Variants in KRT7 observed in about 807,000 individuals in gnomAD.
KRT7 encodes the protein keratin 7, also known as keratin, type II cytoskeletal 7.
In KRT7, 50 loss-of-function variants were observed where a neutral mutation model predicts 42.8. The observed-to-expected ratio is 1.17, with a 90% CI of 0.93 to 1.48. The LOEUF is 1.48. Among genes scored for constraint, KRT7 ranks in the 40% most tolerant of loss-of-function variants. KRT7 has a pLI of 0.00. For missense variants in KRT7, 588 were observed against 637.6 expected (o/e 0.92, Z 0.84); for synonymous variants, 268 against 266.3 (o/e 1.01, Z -0.06).
At chr12:52,236,202 C>CT (rs1942010062) in intron 2 of KRT7, among the ~76,000 whole-genome samples, 2 of 150,726 alleles carry the variant, frequency 1.3e-5, no homozygotes, top group Admixed American at 6.6e-5. Flanking sequence ...GGAGTGCCCC[C>CT]CCCCAACACT....
Position 52,248,584 on chromosome 12 carries a change from C to G in KRT7, c.1241-7C>G. ...GCTGAAGAGAGCCCTCCTCTTTTCT[C>G]TCCCAGCTGTGATGAATTCCACTGG... On this transcript the variant is annotated splice_polypyrimidine_tract_variant and splice_region_variant and intron_variant, in intron 8 of 8. Coordinates refer to ENST00000331817, the MANE Select transcript of KRT7 (RefSeq NM_005556.4). The G allele has an allele frequency of 6.4e-7, 1 of 1,571,054 alleles. No individual in the cohort carries two copies. Among genetic ancestry groups the G allele is most frequent in the Non-Finnish European group, 8.6e-7 (1 of 1,157,590 alleles).
At position 52,241,629 on chromosome 12, in the gene KRT7, A is replaced by C; in HGVS notation, c.851A>C (p.Gln284Pro). The C allele has an allele frequency of 6.2e-7, 1 of 1,609,062 alleles. No homozygotes were observed. Among genetic ancestry groups the C allele is most frequent in the Non-Finnish European group, 8.5e-7 (1 of 1,177,124 alleles). Residue 284 changes from glutamine (Q) to proline (P), a missense_variant, in exon 5 of 9, where the codon CAG becomes CCG. Coordinates refer to ENST00000331817, the MANE Select transcript of KRT7 (RefSeq NM_005556.4). ...CGGGCTGAGGCTGAAGCCTGGTACCAGACCAAGGTGTGAGGCCACCAGGGG... is the reference window on the plus strand; with the variant it reads ...CGGGCTGAGGCTGAAGCCTGGTACCCGACCAAGGTGTGAGGCCACCAGGGG... ...CSRAEAEAWY[Q>P]TKFETLQAQA...
chr12:52,249,406 T>TTTG, downstream of KRT7: 1 of 152,572 alleles, frequency 6.6e-6, no homozygotes, highest in South Asian at 2.1e-4. Context: ...GGAGAGGTCC[T>TTTG]CTGCATCTTG....
chr12:52,250,264 G>A (rs1942243228), downstream of KRT7, among the ~76,000 whole-genome samples: 1 of 152,210 alleles, frequency 6.6e-6, no homozygotes, highest in Admixed American at 6.5e-5. Flanking sequence ...GGAGAGCTGC[G>A]GGCTAGGAGC....
At chr12:52,234,380 A>G (rs994037391) in intron 1 of KRT7, among the ~76,000 whole-genome samples, 38 of 152,218 alleles carry the variant, frequency 2.5e-4, no homozygotes, top group Middle Eastern at 3.2e-3. Context: ...TGCCAAAGCC[A>G]GGAACTCAGG....
chr12:52,253,256 A>G (rs760814201), downstream of KRT7: 29 of 1,611,140 alleles, frequency 1.8e-5, no homozygotes, highest in Admixed American at 4.2e-4. Flanking sequence ...CCTCTGGATC[A>G]TGCGGTTCAG....
chr12:52,247,288 A>G (rs1330671530), intron 7 of KRT7: 3 of 152,210 alleles, frequency 2.0e-5, no homozygotes, highest in African/African-American at 7.2e-5. Flanking sequence ...CCTGACTGCA[A>G]CCTGGCTCCC....
intron 7 of KRT7, among the ~76,000 whole-genome samples, chr12:52,246,901 A>G (rs1248216501): frequency 6.6e-6 from 1 of 152,102 alleles, no homozygotes; most frequent in East Asian, 1.9e-4. Context: ...CCATGGGAAG[A>G]AAAGGGGACT....
chr12:52,251,617 A>C (rs1457316170), downstream of KRT7, among the ~76,000 whole-genome samples: 1 of 152,258 alleles, frequency 6.6e-6, no homozygotes, highest in African/African-American at 2.4e-5. Context: ...ATCTGAACAT[A>C]GCTAAACCTA....
At chr12:52,252,316 C>T, downstream of KRT7, 1 of 1,614,046 alleles carries the variant, frequency 6.2e-7, no homozygotes, top group Non-Finnish European at 8.5e-7. Flanking sequence ...AAAGTCCAGG[C>T]CAGCTTGGAG....
downstream of KRT7, chr12:52,253,413 A>C: frequency 1.3e-6 from 2 of 1,582,638 alleles, no homozygotes; most frequent in Non-Finnish European, 1.7e-6. Context: ...ATGATTGTGC[A>C]GGTTGTGCAG....
Position 52,248,833 on chromosome 12 carries a change from G to A in KRT7, c.*73G>A. The stretch of plus-strand genomic sequence containing the variant: ...GAAGATTCCCACCCCTGCCTCCCAT[G>A]CCTGGTCCCAAGACAGTGAGACAGT... On this transcript the variant is annotated 3_prime_UTR_variant, in exon 9 of 9. Coordinates refer to ENST00000331817, the MANE Select transcript of KRT7 (RefSeq NM_005556.4). 7.1e-7 allele frequency: 1 copy of A among 1,405,046 alleles called. No individual in the cohort carries two copies. The highest frequency in any genetic ancestry group is 9.4e-7 in the Non-Finnish European group (1 of 1,058,348). 87.0% of individuals were successfully genotyped at this position (1,405,046 alleles called of 1,614,324 possible).
In KRT7 at chr12:52,241,656, G is replaced by A. The variant is rs755832208; in HGVS notation, c.858+20G>A. The A allele has an allele frequency of 3.8e-5, 61 of 1,590,172 alleles. No homozygotes were observed. The highest frequency in any genetic ancestry group is 1.7e-4 in the Middle Eastern group (1 of 5,982). Reference sequence around the variant, plus strand: ...ACCAAGGTGTGAGGCCACCAGGGGCGTATTTCCTCCTGCCAGGGTCCTTGG... The same window carrying A: ...ACCAAGGTGTGAGGCCACCAGGGGCATATTTCCTCCTGCCAGGGTCCTTGG... On this transcript the variant is annotated intron_variant, in intron 5 of 8. Transcript: ENST00000331817.
downstream of KRT7, chr12:52,255,271 C>A (rs867935356): frequency 2.5e-5 from 11 of 447,828 alleles, no homozygotes; most frequent in Middle Eastern, 3.3e-4. Context: ...GGTCTCCCAG[C>A]TCAAACCTTT....
chr12:52,242,985 C>A, intron 5 of KRT7, 27 bp from the exon 6 acceptor site: 1 of 1,597,370 alleles, frequency 6.3e-7, no homozygotes. Context: ...CATCTCTCTG[C>A]CATAACTCTC....
chr12:52,251,460 C>G (rs1489212820), downstream of KRT7, among the ~76,000 whole-genome samples: 1 of 152,198 alleles, frequency 6.6e-6, no homozygotes, highest in African/African-American at 2.4e-5. Flanking sequence ...CATTCAAAGC[C>G]GTCCTGGGCT....
intron 2 of KRT7, among the ~76,000 whole-genome samples, chr12:52,236,357 C>T (rs1238764818): frequency 6.6e-6 from 1 of 151,206 alleles, no homozygotes; most frequent in African/African-American, 2.4e-5. Flanking sequence ...ATACCTGGTG[C>T]CCACCCCCAT....
intron 7 of KRT7, among the ~76,000 whole-genome samples, chr12:52,246,935 G>A (rs1181334804): frequency 6.6e-6 from 1 of 152,122 alleles, no homozygotes; most frequent in Admixed American, 6.5e-5. Context: ...GGTCAGTAGT[G>A]TGCCCAAGGT....
At chr12:52,249,083 A>G (rs1942224394), downstream of KRT7, among the ~76,000 whole-genome samples, 1 of 152,182 alleles carries the variant, frequency 6.6e-6, no homozygotes, top group Non-Finnish European at 1.5e-5. Flanking sequence ...ACCTAGGGTG[A>G]GCCTTGGCCT....
Sources: gnomAD v4.1 joint callset for allele counts (sites outside exome capture counted in the v4.1 genomes callset) on GRCh38, gnomAD v4.1.1 for gene constraint, MANE v1.5 for transcripts, NCBI Gene and HGNC (gene_info 2026-07-23, HGNC 2026-07-21) for gene names.